The following CXCL8 variants were observed in gnomAD, a reference collection of about 807,000 sequenced individuals.
CXCL8 encodes the protein C-X-C motif chemokine ligand 8.
In CXCL8, 12 loss-of-function variants were observed where a neutral mutation model predicts 10.9. The observed-to-expected ratio is 1.10, with a 90% CI of 0.71 to 1.79. The LOEUF (loss-of-function observed/expected upper bound fraction) is 1.79. CXCL8 is among the 40% of genes most tolerant of loss of function. CXCL8 has a pLI of 0.00. For synonymous variants in CXCL8, 41 were observed against 39.6 expected (o/e 1.03, Z -0.13); for missense variants, 145 against 113.4 (o/e 1.28, Z -1.26).
rs866489176 is a variant in CXCL8, at chr4:73,742,478, C to T, written c.*14C>T. 7 of 1,439,792 alleles carry T rather than the reference C, an allele frequency of 4.9e-6. No individual in the cohort carries two copies. Among genetic ancestry groups the T allele is most frequent in the Non-Finnish European group, 6.7e-6 (7 of 1,038,630 alleles). 89.2% of individuals were successfully genotyped at this position (1,439,792 alleles called of 1,614,324 possible). A position where few individuals can be genotyped will look rare whatever the true frequency, so the allele number is the denominator to read the frequency against. ...GAGAATTCATAAAAAAATTCATTCT[C>T]TGTGGTATCCAAGAATCAGTGAAGA... is the stretch of plus-strand genomic sequence containing the variant. On this transcript the variant is annotated 3_prime_UTR_variant, in exon 4 of 4. Coordinates refer to ENST00000307407, the MANE Select transcript of CXCL8 (RefSeq NM_000584.4).
In CXCL8 at chr4:73,743,491, C is replaced by T. The variant is rs1236814944; in HGVS notation, c.*1027C>T. ...GTTAGAACTATTAAAACAGCCAAAA[C>T]TCCACAGTCAATATTAGTAATTTCT... On this transcript the variant is annotated 3_prime_UTR_variant, in exon 4 of 4. Transcript: ENST00000307407. 1 of 201,768 alleles carries T rather than the reference C, an allele frequency of 5.0e-6. No individual in the cohort carries two copies. The highest frequency in any genetic ancestry group is 1.0e-5 in the Non-Finnish European group (1 of 98,270). 12.5% of individuals were successfully genotyped at this position (201,768 alleles called of 1,614,324 possible). A position where few individuals can be genotyped will look rare whatever the true frequency, so the allele number is the denominator to read the frequency against.
Position 73,742,562 on chromosome 4 carries a change from GT to G in CXCL8, c.*99del. The stretch of plus-strand genomic sequence containing the variant: ...ACTTCATGTATTGTGTGGGTCTGTT[GT>G]AGGGTTGCCAGATGCAATACAAGAT... On this transcript the variant is annotated 3_prime_UTR_variant, in exon 4 of 4. Transcript: ENST00000307407. The G allele has an allele frequency of 1.6e-6, 1 of 622,704 alleles. No homozygotes were observed. Among genetic ancestry groups the G allele is most frequent in the East Asian group, 3.0e-5 (1 of 32,968 alleles). The allele number at this position is 622,704 out of a possible 1,614,324, so 38.6% of individuals were successfully genotyped here.
In CXCL8 at chr4:73,741,410, C is replaced by T. The variant is rs1195866016; in HGVS notation, c.65-132C>T. ...TGAGGTCAAGGGCTAGGAGAATATT[C>T]AGGAATGAGTTCACTAGAAACATGA... On this transcript the variant is annotated intron_variant, in intron 1 of 3. Coordinates refer to ENST00000307407, the MANE Select transcript of CXCL8 (RefSeq NM_000584.4). 6.2e-6 allele frequency: 5 copies of T among 802,812 alleles called. No homozygotes were observed. The Admixed American group carries it at 1.2e-4, about 20-fold the overall frequency. 49.7% of individuals were successfully genotyped at this position (802,812 alleles called of 1,614,324 possible).
At position 73,743,496 on chromosome 4, in the gene CXCL8, C is replaced by G. The variant is rs200462525; in HGVS notation, c.*1032C>G. On this transcript the variant is annotated 3_prime_UTR_variant, in exon 4 of 4. Transcript: ENST00000307407. ...AACTATTAAAACAGCCAAAACTCCA[C>G]AGTCAATATTAGTAATTTCTTGCTG... is the stretch of plus-strand genomic sequence containing the variant. 9.9e-6 allele frequency: 2 copies of G among 201,276 alleles called. No homozygotes were observed. Among genetic ancestry groups the G allele is most frequent in the Admixed American group, 1.2e-4 (2 of 16,694 alleles). 12.5% of individuals were successfully genotyped at this position (201,276 alleles called of 1,614,324 possible).
Position 73,741,553 on chromosome 4 carries a change from C to A in CXCL8, c.76C>A (p.Pro26Thr), listed in dbSNP as rs767339386. 6.2e-7 allele frequency: 1 copy of A among 1,612,876 alleles called. No individual in the cohort carries two copies. Among genetic ancestry groups the A allele is most frequent in the East Asian group, 2.2e-5 (1 of 44,834 alleles). ...SAALCEGAVL[P>T]RSAKELRCQC... Reference sequence around the variant, plus strand: ...TTTTCCCCCAACAGGTGCAGTTTTGCCAAGGAGTGCTAAAGAACTTAGATG... The same window carrying A: ...TTTTCCCCCAACAGGTGCAGTTTTGACAAGGAGTGCTAAAGAACTTAGATG... Residue 26 changes from proline to threonine, a missense_variant, in exon 2 of 4, where the codon CCA becomes ACA. By Grantham distance (38) the Pro-to-Thr change is conservative (BLOSUM62 -1). Coordinates refer to ENST00000307407, the MANE Select transcript of CXCL8 (RefSeq NM_000584.4).
In CXCL8 at chr4:73,741,656, A is replaced by G. The variant is rs1310863522; in HGVS notation, c.179A>G (p.His60Arg). 1.2e-6 allele frequency: 2 copies of G among 1,613,460 alleles called. No homozygotes were observed. Among genetic ancestry groups the G allele is most frequent in the Non-Finnish European group, 1.7e-6 (2 of 1,179,616 alleles). Residue 60 changes from histidine to arginine, a missense_variant, in exon 2 of 4, where the codon CAC becomes CGC. His to Arg is a conservative substitution (Grantham distance 29). Coordinates refer to ENST00000307407, the MANE Select transcript of CXCL8 (RefSeq NM_000584.4). ...KELRVIESGP[H>R]CANTEIIVKL... ...CTGAGAGTGATTGAGAGTGGACCACACTGCGCCAACACAGAAATTATGTAA... is the reference window on the plus strand; with the variant it reads ...CTGAGAGTGATTGAGAGTGGACCACGCTGCGCCAACACAGAAATTATGTAA...
rs1183158626 is a variant in CXCL8, at chr4:73,741,680, A to T, written c.200+3A>T. The T allele has an allele frequency of 6.2e-7, 1 of 1,605,220 alleles. No individual in the cohort carries two copies. Among genetic ancestry groups the T allele is most frequent in the East Asian group, 2.2e-5 (1 of 44,832 alleles). Reference sequence around the variant, plus strand: ...CACTGCGCCAACACAGAAATTATGTAAGTACTTTAAAAAAGATTAGATATT... The same window carrying T: ...CACTGCGCCAACACAGAAATTATGTTAGTACTTTAAAAAAGATTAGATATT... On this transcript the variant is annotated splice_donor_region_variant and intron_variant, in intron 2 of 3. Transcript: ENST00000307407.
At position 73,743,408 on chromosome 4, in the gene CXCL8, C is replaced by G; in HGVS notation, c.*944C>G. 1 of 205,392 alleles carries G rather than the reference C, an allele frequency of 4.9e-6. No homozygotes were observed. Among genetic ancestry groups the G allele is most frequent in the Non-Finnish European group, 9.9e-6 (1 of 100,532 alleles). 12.7% of individuals were successfully genotyped at this position (205,392 alleles called of 1,614,324 possible). ...GAACTAACAATCCTAGTTTGATACT[C>G]CCAGTCTTGTCATTGCCAGCTGTGT... On this transcript the variant is annotated 3_prime_UTR_variant, in exon 4 of 4. Coordinates refer to ENST00000307407, the MANE Select transcript of CXCL8 (RefSeq NM_000584.4).
chr4:73,741,983 G>T lies in CXCL8; in HGVS notation c.235G>T (p.Asp79Tyr). Reference protein sequence around the residue: ...KLSDGRELCLDPKENWVQRVV... With the variant: ...KLSDGRELCLYPKENWVQRVV... Reference sequence around the variant, plus strand: ...TTCTGATGGAAGAGAGCTCTGTCTGGACCCCAAGGAAAACTGGGTGCAGAG... The same window carrying T: ...TTCTGATGGAAGAGAGCTCTGTCTGTACCCCAAGGAAAACTGGGTGCAGAG... Residue 79 changes from aspartate to tyrosine, a missense_variant, in exon 3 of 4, where the codon GAC becomes TAC. By Grantham distance (160) the Asp-to-Tyr change is radical (BLOSUM62 -3). Transcript: ENST00000307407. 1.2e-6 allele frequency: 2 copies of T among 1,611,574 alleles called. No individual in the cohort carries two copies. The highest frequency in any genetic ancestry group is 1.7e-6 in the Non-Finnish European group (2 of 1,178,176).
Position 73,742,795 on chromosome 4 carries a change from C to A in CXCL8, c.*331C>A. ...GCCAAGGGCCAAGAGAATATCCGAA[C>A]TTTAATTTCAGGAATTGAATGGGTT... On this transcript the variant is annotated 3_prime_UTR_variant, in exon 4 of 4. Transcript: ENST00000307407. The A allele has an allele frequency of 4.0e-6, 1 of 249,650 alleles. No individual in the cohort carries two copies. 15.5% of individuals were successfully genotyped at this position (249,650 alleles called of 1,614,324 possible). A position where few individuals can be genotyped will look rare whatever the true frequency, so the allele number is the denominator to read the frequency against.
rs2227540 is a variant in CXCL8 at position 73,741,021 on chromosome 4, T to C, written c.64+299T>C. Reference sequence around the variant, plus strand: ...TCCTATTGAGAACCACGGTTACCTATATTATGTATTAATATTGAGTTGAGC... The same window carrying C: ...TCCTATTGAGAACCACGGTTACCTACATTATGTATTAATATTGAGTTGAGC... On this transcript the variant is annotated intron_variant, in intron 1 of 3. Coordinates refer to ENST00000307407, the MANE Select transcript of CXCL8 (RefSeq NM_000584.4). Among the ~76,000 whole-genome samples the C allele has an allele frequency of 2.7e-3, 414 of 152,300 alleles. 3 individuals are homozygous for C. The highest frequency in any genetic ancestry group is 9.2e-3 in the African/African-American group (384 of 41,570).
Position 73,743,024 on chromosome 4 carries a change from T to C in CXCL8, c.*560T>C, listed in dbSNP as rs2149423469. The C allele has an allele frequency of 4.3e-6, 1 of 230,366 alleles. No homozygotes were observed. The highest frequency in any genetic ancestry group is 5.7e-5 in the Admixed American group (1 of 17,694). The allele number at this position is 230,366 out of a possible 1,614,324, so 14.3% of individuals were successfully genotyped here. A position where few individuals can be genotyped will look rare whatever the true frequency, so the allele number is the denominator to read the frequency against. ...GTGGAAAAAGTATTAGCCACCATCTTACCTCACAGTGATGTTGTGAGGACA... is the reference window on the plus strand; with the variant it reads ...GTGGAAAAAGTATTAGCCACCATCTCACCTCACAGTGATGTTGTGAGGACA... On this transcript the variant is annotated 3_prime_UTR_variant, in exon 4 of 4. Coordinates refer to ENST00000307407, the MANE Select transcript of CXCL8 (RefSeq NM_000584.4).
At chr4:73,742,255 A>ACT in intron 3 of CXCL8, 194 bp from the exon 4 acceptor site, 1 of 579,432 alleles carries the variant, frequency 1.7e-6, no homozygotes, top group Non-Finnish European at 3.1e-6. Context: ...TGTGTCCTAT[A>ACT]CTCTTAGTAA....
At position 73,742,492 on chromosome 4, in the gene CXCL8, A is replaced by T; in HGVS notation, c.*28A>T. ...AAATTCATTCTCTGTGGTATCCAAG[A>T]ATCAGTGAAGATGCCAGTGAAACTT... On this transcript the variant is annotated 3_prime_UTR_variant, in exon 4 of 4. Transcript: ENST00000307407. The T allele has an allele frequency of 2.1e-6, 3 of 1,429,136 alleles. No individual in the cohort carries two copies. The highest frequency in any genetic ancestry group is 2.9e-6 in the Non-Finnish European group (3 of 1,031,584). The allele number at this position is 1,429,136 out of a possible 1,614,324, so 88.5% of individuals were successfully genotyped here.
Position 73,742,476 on chromosome 4 carries a change from C to A in CXCL8, c.*12C>A. On this transcript the variant is annotated 3_prime_UTR_variant, in exon 4 of 4. Coordinates refer to ENST00000307407, the MANE Select transcript of CXCL8 (RefSeq NM_000584.4). The stretch of plus-strand genomic sequence containing the variant: ...CTGAGAATTCATAAAAAAATTCATT[C>A]TCTGTGGTATCCAAGAATCAGTGAA... 1 of 1,442,466 alleles carries A rather than the reference C, an allele frequency of 6.9e-7. No homozygotes were observed. The highest frequency in any genetic ancestry group is 9.6e-7 in the Non-Finnish European group (1 of 1,039,450). 89.4% of individuals were successfully genotyped at this position (1,442,466 alleles called of 1,614,324 possible).
At chr4:73,742,124 T>C (rs1729190872) in intron 3 of CXCL8, 92 bp downstream of exon 3, 1 of 734,976 alleles carries the variant, frequency 1.4e-6, no homozygotes, top group Non-Finnish European at 2.2e-6. Context: ...TTGCTAAAAA[T>C]CGTCATTAGG....
Position 73,741,615 on chromosome 4 carries a change from C to CTGAGAGTGG in CXCL8, c.138_139insTGAGAGTGG (p.Pro46_Lys47insTer). 1 of 1,613,446 alleles carries CTGAGAGTGG rather than the reference C, an allele frequency of 6.2e-7. No homozygotes were observed. The highest frequency in any genetic ancestry group is 8.5e-7 in the Non-Finnish European group (1 of 1,179,490). ...AGACATACTCCAAACCTTTCCACCC[C>CTGAGAGTGG]AAATTTATCAAAGAACTGAGAGTGA... On this transcript the variant is annotated stop_gained and inframe_insertion, in exon 2 of 4. Coordinates refer to ENST00000307407, the MANE Select transcript of CXCL8 (RefSeq NM_000584.4). LOFTEE classifies it high-confidence loss of function.
chr4:73,741,868 A>C (rs1229052023), intron 2 of CXCL8, 81 bp from the exon 3 acceptor site: 3 of 1,169,962 alleles, frequency 2.6e-6, no homozygotes, highest in Non-Finnish European at 3.8e-6. Context: ...TTTTGGACTT[A>C]GACTTTATGC....
In CXCL8 at chr4:73,741,668, C is replaced by T. The variant is rs142957504; in HGVS notation, c.191C>T (p.Thr64Ile). The change falls in exon 2 of 4, where the codon ACA becomes ATA. Residue 64 changes from threonine (T) to isoleucine (I), a missense_variant. Physicochemically the swap from Thr to Ile is moderately conservative, Grantham distance 89 (BLOSUM62 -1). Coordinates refer to ENST00000307407, the MANE Select transcript of CXCL8 (RefSeq NM_000584.4). The stretch of plus-strand genomic sequence containing the variant: ...GAGAGTGGACCACACTGCGCCAACA[C>T]AGAAATTATGTAAGTACTTTAAAAA... ...VIESGPHCANTEIIVKLSDGR... is the reference protein window; with the variant it reads ...VIESGPHCANIEIIVKLSDGR... 1 of 1,610,602 alleles carries T rather than the reference C, an allele frequency of 6.2e-7. No individual in the cohort carries two copies. The highest frequency in any genetic ancestry group is 8.5e-7 in the Non-Finnish European group (1 of 1,178,696).
Sources: allele counts gnomAD v4.1 joint callset (sites outside exome capture counted in the v4.1 genomes callset), GRCh38; gene constraint gnomAD v4.1.1; transcripts MANE v1.5; gene names NCBI Gene and HGNC (gene_info 2026-07-23, HGNC 2026-07-21).